DLGAP2: variants seen among roughly 807,000 people sequenced by gnomAD.
DLGAP2 encodes the protein disks large-associated protein 2.
DLGAP2 carries 26 observed loss-of-function variants against 100.3 expected under a neutral mutation model. The ratio of observed to expected loss-of-function variants is 0.26; its 90% confidence interval spans 0.19 to 0.36. The LOEUF (loss-of-function observed/expected upper bound fraction) is 0.36, where lower values mean the gene tolerates loss of function less well. Ranked by LOEUF, DLGAP2 falls within the 10% of genes least tolerant of loss-of-function variation. The pLI, the probability that DLGAP2 is intolerant of heterozygous loss-of-function variation, is 1.00. For missense variants in DLGAP2, 1,858 were observed against 1,453.2 expected (o/e 1.28, Z -4.53); for synonymous variants, 886 against 630.1 (o/e 1.41, Z -6.08).
chr8:1,136,275 A>G (rs1047455648), intron 2 of DLGAP2, among the ~76,000 whole-genome samples: 11 of 151,220 alleles, frequency 7.3e-5, no homozygotes, highest in African/African-American at 1.7e-4. Flanking sequence ...CCTCTCATTT[A>G]CCAGCGAATA....
intron 3 of DLGAP2, among the ~76,000 whole-genome samples, chr8:1,278,992 A>G (rs1330978363): frequency 8.5e-5 from 13 of 152,244 alleles, no homozygotes; most frequent in Non-Finnish European, 1.5e-5. Flanking sequence ...GATAAAGAAC[A>G]TATAGAAAAT....
At chr8:1,191,431 A>C (rs558931185) in intron 2 of DLGAP2, among the ~76,000 whole-genome samples, 2 of 152,258 alleles carry the variant, frequency 1.3e-5, no homozygotes, top group East Asian at 1.9e-4. Flanking sequence ...CAGCCTCCCA[A>C]AGTGCGGGGA....
At chr8:1,116,877 C>G (rs1037853647) in intron 2 of DLGAP2, among the ~76,000 whole-genome samples, 2 of 152,182 alleles carry the variant, frequency 1.3e-5, no homozygotes, top group Non-Finnish European at 2.9e-5. Flanking sequence ...TTAGTTGACT[C>G]TGAGTCTGAA....
chr8:1,136,361 C>G (rs1796412670), intron 2 of DLGAP2, among the ~76,000 whole-genome samples: 2 of 152,222 alleles, frequency 1.3e-5, no homozygotes, highest in African/African-American at 2.4e-5. Context: ...GCCCCGCAGC[C>G]TGTCCACAGC....
intron 2 of DLGAP2, among the ~76,000 whole-genome samples, chr8:978,724 G>A (rs533447721): frequency 3.3e-5 from 5 of 152,096 alleles, no homozygotes; most frequent in South Asian, 2.1e-4. Flanking sequence ...TCTTTGCCAC[G>A]CGGGCATGTG....
At chr8:1,321,042 T>G (rs1800887360) in intron 3 of DLGAP2, among the ~76,000 whole-genome samples, 1 of 151,378 alleles carries the variant, frequency 6.6e-6, no homozygotes, top group African/African-American at 2.4e-5. Flanking sequence ...TGCCCAGGCA[T>G]CCATGTGTCT....
At chr8:1,027,900 CGTT>C (rs1801855624) in intron 2 of DLGAP2, among the ~76,000 whole-genome samples, 1 of 138,752 alleles carries the variant, frequency 7.2e-6, no homozygotes, top group African/African-American at 2.7e-5. Flanking sequence ...GCCAGGCGCC[CGTT>C]ATTCTCCAGG....
chr8:1,092,173 C>T (rs998959586), intron 2 of DLGAP2, among the ~76,000 whole-genome samples: 13 of 152,208 alleles, frequency 8.5e-5, no homozygotes, highest in Non-Finnish European at 1.5e-4. Context: ...GGCTCAAGTC[C>T]TGGGTGCAGC....
chr8:1,313,739 G>T (rs546959316), intron 3 of DLGAP2, among the ~76,000 whole-genome samples: 1 of 152,286 alleles, frequency 6.6e-6, no homozygotes, highest in East Asian at 1.9e-4. Flanking sequence ...GAAAAGGTCA[G>T]ATTTTTGAAT....
chr8:1,255,828 G>C (rs1251735039), intron 2 of DLGAP2, among the ~76,000 whole-genome samples: 2 of 124,724 alleles, frequency 1.6e-5, no homozygotes, highest in African/African-American at 8.0e-5. Context: ...TCCTGCCCAG[G>C]TGCTGTGTGT....
At chr8:1,699,895 C>T (rs1353278511) in intron 14 of DLGAP2, among the ~76,000 whole-genome samples, 1 of 152,192 alleles carries the variant, frequency 6.6e-6, no homozygotes, top group Non-Finnish European at 1.5e-5. Context: ...GTTCAGGGGA[C>T]ACCAAAAGAG....
At chr8:1,337,144 G>A (rs1237977720) in intron 3 of DLGAP2, among the ~76,000 whole-genome samples, 3 of 151,978 alleles carry the variant, frequency 2.0e-5, no homozygotes, top group Non-Finnish European at 2.9e-5. Context: ...TAATGGTGGT[G>A]AGAATGATGG....
chr8:1,072,310 A>G (rs1008064329), intron 2 of DLGAP2, among the ~76,000 whole-genome samples: 1 of 152,192 alleles, frequency 6.6e-6, no homozygotes, highest in East Asian at 1.9e-4. Context: ...ACATTTTGGA[A>G]AGAAAAAAGC....
rs1797314780 is a variant in DLGAP2 at position 1,428,800 on chromosome 8, A to T, written c.107-72566A>T. On this transcript the variant is annotated intron_variant, in intron 3 of 14. Coordinates refer to ENST00000637795, the MANE Select transcript of DLGAP2 (RefSeq NM_001346810.2). Reference sequence around the variant, plus strand: ...GCTCATATCAGTGCATGTGCTGCACACCCACATGGGAGAGCCTTAAACAAA... The same window carrying T: ...GCTCATATCAGTGCATGTGCTGCACTCCCACATGGGAGAGCCTTAAACAAA... Among the ~76,000 whole-genome samples, 3 of 152,190 alleles carry T rather than the reference A, an allele frequency of 2.0e-5. No homozygotes were observed. In the South Asian group the frequency reaches 6.2e-4, roughly 32 times the overall value.
intron 1 of DLGAP2, among the ~76,000 whole-genome samples, chr8:890,399 G>A (rs1033780975): frequency 6.6e-5 from 10 of 152,074 alleles, no homozygotes; most frequent in Admixed American, 5.2e-4. Context: ...ACCATGGAAC[G>A]TTTTTTTTCC....
chr8:1,127,445 G>T (rs1345068780), intron 2 of DLGAP2, among the ~76,000 whole-genome samples: 1 of 151,950 alleles, frequency 6.6e-6, no homozygotes, highest in Non-Finnish European at 1.5e-5. Flanking sequence ...CGTGTGTGGA[G>T]GCCCCTTCGT....
rs1285868784 is a variant in DLGAP2 at position 1,701,521 on chromosome 8, G to A, written c.*115G>A. 1 of 1,143,586 alleles carries A rather than the reference G, an allele frequency of 8.7e-7. No individual in the cohort carries two copies. The highest frequency in any genetic ancestry group is 1.2e-6 in the Non-Finnish European group (1 of 831,918). The allele number at this position is 1,143,586 out of a possible 1,614,324, so 70.8% of individuals were successfully genotyped here. ...TCCCGCTGAACACGTCCTCGCTCCCGCGCTCCCCGCGCCCCGGACACAGCG... is the reference window on the plus strand; with the variant it reads ...TCCCGCTGAACACGTCCTCGCTCCCACGCTCCCCGCGCCCCGGACACAGCG... On this transcript the variant is annotated 3_prime_UTR_variant, in exon 15 of 15. Coordinates refer to ENST00000637795, the MANE Select transcript of DLGAP2 (RefSeq NM_001346810.2).
intron 4 of DLGAP2, among the ~76,000 whole-genome samples, chr8:1,537,025 G>A (rs1380973801): frequency 1.3e-5 from 2 of 152,072 alleles, no homozygotes; most frequent in South Asian, 2.1e-4. Flanking sequence ...TTCACACCTC[G>A]GAGAAGTAGT....
Position 787,272 on chromosome 8 carries a change from GC to G in DLGAP2, c.18+49448del, listed in dbSNP as rs552647170. On this transcript the variant is annotated intron_variant, in intron 1 of 14. Transcript: ENST00000637795. ...GTTAGTAACTATGGCAGAGCCTGAC[GC>G]GTCTGTTCTCTCACATTTGCCTGTC... is the stretch of plus-strand genomic sequence containing the variant. Among the ~76,000 whole-genome samples, 575 of 152,220 alleles carry G rather than the reference GC, an allele frequency of 3.8e-3. 20 individuals are homozygous for G. Among genetic ancestry groups the G allele is most frequent in the Admixed American group, 0.033 (500 of 15,282 alleles).
Sources: gnomAD v4.1 joint callset for allele counts (sites outside exome capture counted in the v4.1 genomes callset) on GRCh38, gnomAD v4.1.1 for gene constraint, MANE v1.5 for transcripts, NCBI Gene and HGNC (gene_info 2026-07-23, HGNC 2026-07-21) for gene names.